Variants in FGF14 observed in about 807,000 individuals in gnomAD.
FGF14 encodes the protein fibroblast growth factor homologous factor 4.
FGF14 carries 5 observed loss-of-function variants against 25.5 expected under a neutral mutation model. The observed-to-expected ratio is 0.20, with a 90% CI of 0.10 to 0.41. The LOEUF (loss-of-function observed/expected upper bound fraction) is 0.41, where lower values mean the gene tolerates loss of function less well. FGF14 is among the 10% of genes least tolerant of loss of function. The pLI is 1.00. For missense variants in FGF14, 222 were observed against 320.1 expected (o/e 0.69, Z 2.34); for synonymous variants, 138 against 118.3 (o/e 1.17, Z -1.08).
chr13:101,981,318 T>C (rs1347153588), intron 1 of FGF14, among the ~76,000 whole-genome samples: 1 of 152,108 alleles, frequency 6.6e-6, no homozygotes, highest in Non-Finnish European at 1.5e-5. Flanking sequence ...TAAGCTGCCT[T>C]GCCCCTTCCG....
intron 1 of FGF14, among the ~76,000 whole-genome samples, chr13:102,219,576 T>C (rs778616493): frequency 2.6e-4 from 40 of 152,234 alleles, no homozygotes; most frequent in Non-Finnish European, 5.7e-4. Context: ...GGCAGAAATT[T>C]ACAATGTTTA....
intron 1 of FGF14, among the ~76,000 whole-genome samples, chr13:102,049,221 A>G (rs1288501809): frequency 6.6e-6 from 1 of 152,242 alleles, no homozygotes; most frequent in African/African-American, 2.4e-5. Context: ...AATAAAAGAC[A>G]CAAACTTTGA....
chr13:102,160,406 T>C (rs948757507), intron 1 of FGF14, among the ~76,000 whole-genome samples: 22 of 152,248 alleles, frequency 1.4e-4, no homozygotes, highest in African/African-American at 5.1e-4. Context: ...AAACCACCTG[T>C]GGCAGGAAAG....
At chr13:102,111,658 G>A (rs1470338587) in intron 1 of FGF14, among the ~76,000 whole-genome samples, 1 of 151,800 alleles carries the variant, frequency 6.6e-6, no homozygotes, top group Non-Finnish European at 1.5e-5. Flanking sequence ...GGAGGCTGCA[G>A]TGAGCCAAGA....
intron 1 of FGF14, among the ~76,000 whole-genome samples, chr13:101,895,429 A>G (rs2030492561): frequency 6.6e-6 from 1 of 152,134 alleles, no homozygotes; most frequent in Admixed American, 6.6e-5. Flanking sequence ...TCCTCCAGTT[A>G]CTTCCTACTT....
At chr13:101,947,160 A>G (rs1441562946) in intron 1 of FGF14, among the ~76,000 whole-genome samples, 1 of 152,230 alleles carries the variant, frequency 6.6e-6, no homozygotes, top group African/African-American at 2.4e-5. Flanking sequence ...AGTCAGAACT[A>G]TTATTAAAAA....
intron 1 of FGF14, among the ~76,000 whole-genome samples, chr13:102,398,683 C>G (rs1414601862): frequency 6.6e-6 from 1 of 151,702 alleles, no homozygotes; most frequent in African/African-American, 2.4e-5. Flanking sequence ...CTTTTTAGTT[C>G]TACTGCTATT....
At chr13:102,330,091 G>C (rs947853549) in intron 1 of FGF14, among the ~76,000 whole-genome samples, 42 of 152,136 alleles carry the variant, frequency 2.8e-4, no homozygotes, top group Non-Finnish European at 5.3e-4. Flanking sequence ...GGAGCCAGCA[G>C]AGACGTGTTT....
intron 1 of FGF14, among the ~76,000 whole-genome samples, chr13:101,885,124 A>G (rs931470052): frequency 6.6e-6 from 1 of 152,226 alleles, no homozygotes; most frequent in African/African-American, 2.4e-5. Flanking sequence ...TTCATAAAGC[A>G]AACTGTGAGA....
intron 1 of FGF14, among the ~76,000 whole-genome samples, chr13:102,388,405 T>C (rs1394003380): frequency 6.6e-6 from 1 of 152,234 alleles, no homozygotes; most frequent in African/African-American, 2.4e-5. Context: ...ACCTGCTAAC[T>C]AGATTTCCTA....
At chr13:101,943,207 C>T (rs2035564020) in intron 1 of FGF14, among the ~76,000 whole-genome samples, 1 of 152,198 alleles carries the variant, frequency 6.6e-6, no homozygotes, top group South Asian at 2.1e-4. Flanking sequence ...CTTGAAACTA[C>T]TAGGTTCACT....
chr13:102,107,289 T>C (rs1296302388), intron 1 of FGF14, among the ~76,000 whole-genome samples: 1 of 152,222 alleles, frequency 6.6e-6, no homozygotes, highest in Middle Eastern at 3.2e-3. Context: ...GGAATTTAAA[T>C]GAGTGCCACA....
At chr13:102,192,249 G>T (rs1201106909) in intron 1 of FGF14, among the ~76,000 whole-genome samples, 1 of 152,208 alleles carries the variant, frequency 6.6e-6, no homozygotes, top group African/African-American at 2.4e-5. Flanking sequence ...GTCTGGTCTT[G>T]CAAGATCTAA....
chr13:102,240,126 C>T (rs149911053), intron 1 of FGF14, among the ~76,000 whole-genome samples: 329 of 152,284 alleles, frequency 2.2e-3, no homozygotes, highest in African/African-American at 7.6e-3. Context: ...TGTCTCCTTG[C>T]ACCTGCATTG....
At chr13:102,014,252 T>C (rs2040224256) in intron 1 of FGF14, among the ~76,000 whole-genome samples, 1 of 151,976 alleles carries the variant, frequency 6.6e-6, no homozygotes, top group South Asian at 2.1e-4. Context: ...AAAAAAGACT[T>C]CTAAACATTT....
At chr13:102,141,833 GT>G (rs370582018) in intron 1 of FGF14, among the ~76,000 whole-genome samples, 1 of 152,160 alleles carries the variant, frequency 6.6e-6, no homozygotes, top group Admixed American at 6.5e-5. Flanking sequence ...AAATAAGGCT[GT>G]TTTCTGGGAA....
intron 3 of FGF14, among the ~76,000 whole-genome samples, chr13:101,816,607 AG>A (rs1251042882): frequency 2.0e-5 from 3 of 152,150 alleles, no homozygotes; most frequent in African/African-American, 7.2e-5. Flanking sequence ...GGATACAAAA[AG>A]TTCAGCTCAT....
chr13:102,317,484 C>T (rs1944987217), intron 1 of FGF14, among the ~76,000 whole-genome samples: 1 of 152,168 alleles, frequency 6.6e-6, no homozygotes, highest in South Asian at 2.1e-4. Flanking sequence ...CATCCTTTCT[C>T]CTGGTTTTCT....
intron 3 of FGF14, among the ~76,000 whole-genome samples, chr13:101,756,904 A>T (rs917704499): frequency 5.9e-5 from 9 of 152,238 alleles, no homozygotes; most frequent in Non-Finnish European, 1.3e-4. Flanking sequence ...AAGTTAGTAT[A>T]AAAAGTGCTC....
Sources: gnomAD v4.1 joint callset for allele counts (sites outside exome capture counted in the v4.1 genomes callset) on GRCh38, gnomAD v4.1.1 for gene constraint, MANE v1.5 for transcripts, NCBI Gene and HGNC (gene_info 2026-07-23, HGNC 2026-07-21) for gene names.